Variants in CCDC102B observed in about 807,000 individuals in gnomAD.
CCDC102B encodes coiled-coil domain-containing protein 102B.
Under a neutral mutation model 57.4 loss-of-function variants are expected in CCDC102B, and 75 were observed. That is an observed-to-expected ratio of 1.31 (90% CI 1.08 to 1.58). The LOEUF (loss-of-function observed/expected upper bound fraction) is 1.58, where lower values mean the gene tolerates loss of function less well. CCDC102B is among the 40% of genes most tolerant of loss of function. CCDC102B has a pLI of 0.00. For synonymous variants in CCDC102B, 206 were observed against 201.9 expected (o/e 1.02, Z -0.17); for missense variants, 636 against 582.6 (o/e 1.09, Z -0.94).
At chr18:68,982,228 C>T (rs1182377047) in intron 6 of CCDC102B, among the ~76,000 whole-genome samples, 1 of 150,572 alleles carries the variant, frequency 6.6e-6, no homozygotes, top group Non-Finnish European at 1.5e-5. Flanking sequence ...TTCATTCATT[C>T]CTAACAGTGT....
chr18:68,911,675 C>T (rs1396611030), intron 6 of CCDC102B, among the ~76,000 whole-genome samples: 5 of 133,582 alleles, frequency 3.7e-5, no homozygotes, highest in Non-Finnish European at 7.7e-5. Flanking sequence ...TGGCGTGAAC[C>T]CGGGAGGCGG....
chr18:68,735,351 G>A (rs898126694), intron 2 of CCDC102B, among the ~76,000 whole-genome samples: 9 of 152,124 alleles, frequency 5.9e-5, no homozygotes, highest in African/African-American at 1.9e-4. Flanking sequence ...GAGGCAGCGC[G>A]CCAGGGCTAT....
chr18:68,829,182 T>C (rs2037041607), intron 1 of CCDC102B, among the ~76,000 whole-genome samples: 1 of 152,042 alleles, frequency 6.6e-6, no homozygotes, highest in Non-Finnish European at 1.5e-5. Flanking sequence ...TTGGTCATGC[T>C]ATTTACAGTG....
At chr18:68,780,627 T>TA (rs2034975690) in intron 2 of CCDC102B, among the ~76,000 whole-genome samples, 1 of 152,136 alleles carries the variant, frequency 6.6e-6, no homozygotes, top group Non-Finnish European at 1.5e-5. Context: ...GGAAATAAGG[T>TA]AGTATCTCCT....
chr18:68,846,214 T>G, intron 3 of CCDC102B, 99 bp from the exon 4 acceptor site: 1 of 603,140 alleles, frequency 1.7e-6, no homozygotes, highest in Non-Finnish European at 2.6e-6. Flanking sequence ...CAGTTACAAA[T>G]ATCAAAAATT....
chr18:68,792,942 A>G (rs2035510025), intron 2 of CCDC102B, among the ~76,000 whole-genome samples: 1 of 152,216 alleles, frequency 6.6e-6, no homozygotes, highest in Non-Finnish European at 1.5e-5. Context: ...TATTTTTAAA[A>G]TAGCAGGAGG....
chr18:68,951,714 A>G (rs778461824), intron 6 of CCDC102B, among the ~76,000 whole-genome samples: 3 of 151,848 alleles, frequency 2.0e-5, no homozygotes, highest in Non-Finnish European at 4.4e-5. Flanking sequence ...AGGCTGAGTT[A>G]GGAGGATCAC....
chr18:68,810,766 G>A (rs1173123303), intron 1 of CCDC102B, among the ~76,000 whole-genome samples: 2 of 139,624 alleles, frequency 1.4e-5, no homozygotes, highest in Non-Finnish European at 3.0e-5. Flanking sequence ...AGGTATACAC[G>A]TGCCATGGTG....
At chr18:69,011,830 A>G (rs1311064666) in intron 7 of CCDC102B, among the ~76,000 whole-genome samples, 1 of 152,132 alleles carries the variant, frequency 6.6e-6, no homozygotes, top group Non-Finnish European at 1.5e-5. Flanking sequence ...CTGGTTAGAA[A>G]GACTGTTTCT....
intron 7 of CCDC102B, among the ~76,000 whole-genome samples, chr18:69,032,405 C>T (rs1282207225): frequency 1.3e-5 from 2 of 152,090 alleles, no homozygotes; most frequent in Non-Finnish European, 2.9e-5. Flanking sequence ...AATATTTTGT[C>T]TTCCTTTGGT....
intron 5 of CCDC102B, among the ~76,000 whole-genome samples, chr18:68,886,750 G>A (rs1251204160): frequency 6.6e-6 from 1 of 151,614 alleles, no homozygotes; most frequent in Non-Finnish European, 1.5e-5. Flanking sequence ...GCTTAATAAT[G>A]CTGTTGTTTA....
intron 1 of CCDC102B, among the ~76,000 whole-genome samples, chr18:68,826,904 T>C (rs1009951674): frequency 2.6e-5 from 4 of 152,160 alleles, no homozygotes; most frequent in African/African-American, 9.6e-5. Context: ...TTATATGCCA[T>C]AGTATTTACA....
chr18:68,741,705 ACACACACACC>A (rs1258676448), intron 2 of CCDC102B, among the ~76,000 whole-genome samples: 15 of 112,824 alleles, frequency 1.3e-4, no homozygotes, highest in African/African-American at 6.1e-4. Flanking sequence ...ACACACACAC[ACACACACACC>A]CCAAGACAAT....
At chr18:69,006,118 C>T (rs1310365649) in intron 6 of CCDC102B, among the ~76,000 whole-genome samples, 2 of 152,076 alleles carry the variant, frequency 1.3e-5, no homozygotes, top group African/African-American at 4.8e-5. Flanking sequence ...ACCTAATTCT[C>T]TTTTCAAATG....
chr18:68,754,742 T>C (rs991247387), intron 2 of CCDC102B: 2 of 152,130 alleles, frequency 1.3e-5, no homozygotes, highest in African/African-American at 4.8e-5. Context: ...TATGCTGAAA[T>C]CCTAACTCCC....
In CCDC102B at chr18:68,956,418, A is replaced by T. The variant is rs1220658263; in HGVS notation, c.1264-54516A>T. 9.4e-3 allele frequency among the ~76,000 whole-genome samples: 310 copies of T among 32,956 alleles called. 32 individuals are homozygous for T. Among genetic ancestry groups the T allele is most frequent in the African/African-American group, 0.027 (300 of 10,988 alleles). The allele number at this position is 32,956 out of a possible 152,430, so 21.6% of individuals were successfully genotyped here. ...TATATAAATATATTTTATATATATT[A>T]TATATATTATACATTTTATATATAT... is the stretch of plus-strand genomic sequence containing the variant. On this transcript the variant is annotated intron_variant, in intron 6 of 7. Transcript: ENST00000360242.
chr18:69,038,167 T>C (rs947550100), intron 7 of CCDC102B, among the ~76,000 whole-genome samples: 7 of 151,884 alleles, frequency 4.6e-5, no homozygotes, highest in African/African-American at 1.4e-4. Flanking sequence ...TACATAGTAT[T>C]GTGAGGATTT....
intron 6 of CCDC102B, among the ~76,000 whole-genome samples, chr18:68,907,601 A>G (rs2040694581): frequency 6.6e-6 from 1 of 152,152 alleles, no homozygotes; most frequent in African/African-American, 2.4e-5. Context: ...ATCATTGCTC[A>G]TATGTAGAAG....
At chr18:68,721,076 AAGACACCCAG>A (rs985155414) in intron 2 of CCDC102B, 2 of 152,192 alleles carry the variant, frequency 1.3e-5, no homozygotes, top group Non-Finnish European at 2.9e-5. Flanking sequence ...CTTTAAATAA[AAGACACCCAG>A]AGACTGTGAG....
Sources: allele counts gnomAD v4.1 joint callset (sites outside exome capture counted in the v4.1 genomes callset), GRCh38; gene constraint gnomAD v4.1.1; transcripts MANE v1.5; gene names NCBI Gene and HGNC (gene_info 2026-07-23, HGNC 2026-07-21).